LIMD2: variants seen among roughly 807,000 people sequenced by gnomAD.
LIMD2 encodes LIM domain-containing protein 2.
In LIMD2, 11 loss-of-function variants were observed where a neutral mutation model predicts 16.0. The observed-to-expected ratio is 0.69, with a 90% CI of 0.43 to 1.14. The LOEUF (loss-of-function observed/expected upper bound fraction) is 1.14, where lower values mean the gene tolerates loss of function less well. Ranked by LOEUF, LIMD2 falls within the 50% of genes most tolerant of loss-of-function variation. The pLI, the probability that LIMD2 is intolerant of heterozygous loss-of-function variation, is 0.00. For synonymous variants in LIMD2, 60 were observed against 67.1 expected (o/e 0.89, Z 0.52); for missense variants, 168 against 165.8 (o/e 1.01, Z -0.07).
At chr17:63,699,186 C>CT (rs1454454512) in intron 2 of LIMD2, 71 bp downstream of exon 2, 3 of 1,595,554 alleles carry the variant, frequency 1.9e-6, no homozygotes, top group African/African-American at 1.3e-5. Flanking sequence ...CCGGCAAACT[C>CT]TGATGCCTCT....
At chr17:63,699,483 GC>G in intron 1 of LIMD2, 135 bp from the exon 2 acceptor site, 1 of 794,568 alleles carries the variant, frequency 1.3e-6, no homozygotes, top group Non-Finnish European at 1.9e-6. Flanking sequence ...TCTTGGTCTT[GC>G]CACTTCCGCC....
chr17:63,698,768 C>T, intron 4 of LIMD2, 31 bp downstream of exon 4: 2 of 1,551,450 alleles, frequency 1.3e-6, no homozygotes, highest in Non-Finnish European at 1.8e-6. Flanking sequence ...GGTTGGCAGG[C>T]GAGGCGGGGG....
chr17:63,699,818 C>A, intron 1 of LIMD2: 1 of 959,032 alleles, frequency 1.0e-6, no homozygotes, highest in East Asian at 1.2e-4. Context: ...CCCGCGAGGA[C>A]CGGACCCCAG....
Position 63,696,398 on chromosome 17 carries a change from T to A in LIMD2, c.*2154A>T, listed in dbSNP as rs1337674509. ...CAGGTATGGTGCCTGGCAACGAGCC[T>A]GGGCCTTTCAAGCAGAAGAGAACTT... On this transcript the variant is annotated 3_prime_UTR_variant, in exon 5 of 5. Coordinates refer to ENST00000259006, the MANE Select transcript of LIMD2 (RefSeq NM_030576.4). 2 of 152,388 alleles carry A rather than the reference T, an allele frequency of 1.3e-5. No individual in the cohort carries two copies. Among genetic ancestry groups the A allele is most frequent in the African/African-American group, 2.4e-5 (1 of 41,334 alleles). 9.4% of individuals were successfully genotyped at this position (152,388 alleles called of 1,614,324 possible).
At chr17:63,701,150 G>T (rs1022750121), upstream of LIMD2, 5 of 152,320 alleles carry the variant, frequency 3.3e-5, no homozygotes, top group African/African-American at 1.2e-4. Flanking sequence ...GGGCACCAGG[G>T]ACTGCGTGGC....
In LIMD2 at chr17:63,696,938, C is replaced by T. The variant is rs2035702846; in HGVS notation, c.*1614G>A. 6.6e-6 allele frequency: 1 copy of T among 152,254 alleles called. No individual in the cohort carries two copies. The highest frequency in any genetic ancestry group is 1.5e-5 in the Non-Finnish European group (1 of 68,086). 9.4% of individuals were successfully genotyped at this position (152,254 alleles called of 1,614,324 possible). On this transcript the variant is annotated 3_prime_UTR_variant, in exon 5 of 5. Coordinates refer to ENST00000259006, the MANE Select transcript of LIMD2 (RefSeq NM_030576.4). ...TTATGTGACACTGGAGCCTGTGGCC[C>T]AGCTCCCTGCCCTGTTCCACGGGGA...
intron 1 of LIMD2, chr17:63,699,766 C>T (rs2143678462): frequency 1.3e-6 from 1 of 777,316 alleles, no homozygotes; most frequent in African/African-American, 1.9e-5. Context: ...TGGACAGCGC[C>T]CGAGGTCCCC....
Position 63,697,232 on chromosome 17 carries a change from T to C in LIMD2, c.*1320A>G, listed in dbSNP as rs2035706244. ...GATTTCCTGAGACAGTAGCTGTGAC[T>C]GCACCTCCGCAGAGCTTGAAAAGGC... On this transcript the variant is annotated 3_prime_UTR_variant, in exon 5 of 5. Transcript: ENST00000259006. 6.6e-6 allele frequency: 1 copy of C among 152,308 alleles called. No individual in the cohort carries two copies. The highest frequency in any genetic ancestry group is 2.4e-5 in the African/African-American group (1 of 41,434). The allele number at this position is 152,308 out of a possible 1,614,324, so 9.4% of individuals were successfully genotyped here.
chr17:63,699,772 TCCC>T, intron 1 of LIMD2: 9 of 329,572 alleles, frequency 2.7e-5, no homozygotes, highest in South Asian at 1.2e-4. Context: ...GCGCCCGAGG[TCCC>T]CGCCCGCCCC....
At position 63,697,615 on chromosome 17, in the gene LIMD2, G is replaced by GTGAC. The variant is rs1299578814; in HGVS notation, c.*933_*936dup. On this transcript the variant is annotated 3_prime_UTR_variant, in exon 5 of 5. Transcript: ENST00000259006. Reference sequence around the variant, plus strand: ...TTTCAGTTCCAAAACCACTGTGGGTGTGACAGCATGAAGCCCTCGCTGTGA... The same window carrying GTGAC: ...TTTCAGTTCCAAAACCACTGTGGGTGTGACTGACAGCATGAAGCCCTCGCTGTGA... 6.6e-6 allele frequency: 1 copy of GTGAC among 152,276 alleles called. No homozygotes were observed. Among genetic ancestry groups the GTGAC allele is most frequent in the African/African-American group, 2.4e-5 (1 of 41,430 alleles). The allele number at this position is 152,276 out of a possible 1,614,324, so 9.4% of individuals were successfully genotyped here.
At position 63,698,700 on chromosome 17, in the gene LIMD2, T is replaced by A. The variant is rs148770418; in HGVS notation, c.236A>T (p.Tyr79Phe). ...GTAGAACTCCCCGTGCAGCGCGGCG[T>A]AGCTGCCCAGGCTGCAGAAGCCAAA... ...HCHTKLSLGS[Y>F]AALHGEFYCK... The change falls in exon 5 of 5, where the codon TAC becomes TTC. Residue 79 changes from tyrosine to phenylalanine, a missense_variant. Transcript: ENST00000259006. 33 of 1,613,006 alleles carry A rather than the reference T, an allele frequency of 2.0e-5. No individual in the cohort carries two copies. Among genetic ancestry groups the A allele is most frequent in the Non-Finnish European group, 2.6e-5 (31 of 1,179,940 alleles).
rs2035734976 is a variant in LIMD2, at chr17:63,698,798, C to T, written c.224+1G>A. 1 of 1,611,924 alleles carries T rather than the reference C, an allele frequency of 6.2e-7. No homozygotes were observed. Among genetic ancestry groups the T allele is most frequent in the Non-Finnish European group, 8.5e-7 (1 of 1,179,646 alleles). On this transcript the variant is annotated splice_donor_variant, in intron 4 of 4. Transcript: ENST00000259006. LOFTEE classifies it high-confidence loss of function. Reference sequence around the variant, plus strand: ...CGGGGGCGGGCAGGGCAGGGGCGCACCTGAGCTTGGTGTGACAGTGCTTGC... The same window carrying T: ...CGGGGGCGGGCAGGGCAGGGGCGCATCTGAGCTTGGTGTGACAGTGCTTGC...
intron 1 of LIMD2, 145 bp from the exon 2 acceptor site, chr17:63,699,493 C>T (rs1246457200): frequency 2.8e-6 from 2 of 720,802 alleles, no homozygotes; most frequent in Non-Finnish European, 4.3e-6. Context: ...GCCACTTCCG[C>T]CCCTCACCCA....
At chr17:63,701,042 A>T (rs1432568521), upstream of LIMD2, 1 of 152,222 alleles carries the variant, frequency 6.6e-6, no homozygotes, top group Non-Finnish European at 1.5e-5. Flanking sequence ...CTTGGGCCGC[A>T]GAGCTGCTCC....
rs1307061217 is a variant in LIMD2, at chr17:63,697,801, A to C, written c.*751T>G. On this transcript the variant is annotated 3_prime_UTR_variant, in exon 5 of 5. Transcript: ENST00000259006. Reference sequence around the variant, plus strand: ...CCTGTGACAGATCCCCCAGCAGGCCACACAATAGAGAATCTGGATCTATTG... The same window carrying C: ...CCTGTGACAGATCCCCCAGCAGGCCCCACAATAGAGAATCTGGATCTATTG... The C allele has an allele frequency of 1.3e-5, 2 of 152,376 alleles. No individual in the cohort carries two copies. The highest frequency in any genetic ancestry group is 4.8e-5 in the African/African-American group (2 of 41,458). The allele number at this position is 152,376 out of a possible 1,614,324, so 9.4% of individuals were successfully genotyped here.
At chr17:63,700,228 G>T, upstream of LIMD2, 1 of 920,952 alleles carries the variant, frequency 1.1e-6, no homozygotes, top group African/African-American at 1.8e-5. The surrounding 1 kb of genome is among the most constrained non-coding windows in gnomAD (Gnocchi z 7.1). Context: ...CCGCCTTCGG[G>T]GCCCCGGCGC....
upstream of LIMD2, chr17:63,700,233 C>G: frequency 9.1e-6 from 8 of 879,260 alleles, no homozygotes; most frequent in Non-Finnish European, 1.1e-5. The surrounding 1 kb of genome is among the most constrained non-coding windows in gnomAD (Gnocchi z 7.1). Context: ...TTCGGGGCCC[C>G]GGCGCCGCCG....
Position 63,698,930 on chromosome 17 carries a change from G to A in LIMD2, c.93C>T (p.Ser31=). 1 of 1,612,806 alleles carries A rather than the reference G, an allele frequency of 6.2e-7. No individual in the cohort carries two copies. Among genetic ancestry groups the A allele is most frequent in the Non-Finnish European group, 8.5e-7 (1 of 1,179,940 alleles). The part of the protein sequence containing the change: ...SSTVQRSKSF[S]LRAQVKETCA... Reference sequence around the variant, plus strand: ...AGGTCTCCTTCACCTGGGCCCGCAGGCTGAAGGACTGTGCGGGAAGCTCAG... The same window carrying A: ...AGGTCTCCTTCACCTGGGCCCGCAGACTGAAGGACTGTGCGGGAAGCTCAG... The change falls in exon 4 of 5, where the codon AGC becomes AGT. Residue 31 remains serine (S), a synonymous_variant. Coordinates refer to ENST00000259006, the MANE Select transcript of LIMD2 (RefSeq NM_030576.4).
rs2035687724 is a variant in LIMD2, at chr17:63,696,119, C to CA, written c.*2432dup. 6.6e-6 allele frequency: 1 copy of CA among 151,800 alleles called. No homozygotes were observed. The highest frequency in any genetic ancestry group is 1.5e-5 in the Non-Finnish European group (1 of 67,880). The allele number at this position is 151,800 out of a possible 1,614,324, so 9.4% of individuals were successfully genotyped here. On this transcript the variant is annotated 3_prime_UTR_variant, in exon 5 of 5. Coordinates refer to ENST00000259006, the MANE Select transcript of LIMD2 (RefSeq NM_030576.4). The stretch of plus-strand genomic sequence containing the variant: ...GGGCTGGGGACAGTCCGCACTCTGC[C>CA]ACCCTCCTGCCCCTTCCACCCACCC...
Sources: allele counts gnomAD v4.1 joint callset, GRCh38; gene constraint gnomAD v4.1.1; non-coding constraint Gnocchi (gnomAD v3.1); transcripts MANE v1.5; gene names NCBI Gene and HGNC (gene_info 2026-07-23, HGNC 2026-07-21).